CCM2: variants seen among roughly 807,000 people sequenced by gnomAD.
The protein encoded by CCM2 is CCM2 scaffold protein, also known as cerebral cavernous malformations 2 protein.
Under a neutral mutation model 44.9 loss-of-function variants are expected in CCM2, and 25 were observed. The observed-to-expected ratio is 0.56, with a 90% CI of 0.41 to 0.78. The LOEUF (loss-of-function observed/expected upper bound fraction) is 0.78. Among genes scored for constraint, CCM2 ranks in the 30% least tolerant of loss-of-function variants. CCM2 has a pLI of 0.00. For missense variants in CCM2, 481 were observed against 580.6 expected (o/e 0.83, Z 1.76); for synonymous variants, 219 against 241.1 (o/e 0.91, Z 0.85).
rs1478247157 is a variant in CCM2 at position 45,073,474 on chromosome 7, C to A, written c.818C>A (p.Ser273Tyr). The change falls in exon 8 of 10, where the codon TCT becomes TAT. Residue 273 changes from serine to tyrosine, a missense_variant. By Grantham distance (144) the Ser-to-Tyr change is moderately radical. Transcript: ENST00000258781. ...TTCTTTCGCAGCTGCTTCCCTGAAT[C>A]TGTGGATGTGGGTGGTGCATCACCC... ...VEASTFCFPESVDVGGASPHS... is the reference protein window; with the variant it reads ...VEASTFCFPEYVDVGGASPHS... The A allele has an allele frequency of 1.9e-6, 3 of 1,613,440 alleles. No homozygotes were observed.
chr7:45,038,108 A>C, intron 1 of CCM2, 145 bp from the exon 2 acceptor site: 1 of 957,528 alleles, frequency 1.0e-6, no homozygotes, highest in East Asian at 2.6e-5. Context: ...TGCTGTTGGT[A>C]CCTTTCTCAC....
At chr7:45,070,025 C>G (rs1380775233) in intron 6 of CCM2, 64 bp downstream of exon 6, 17 of 1,593,750 alleles carry the variant, frequency 1.1e-5, no homozygotes, top group Non-Finnish European at 1.4e-5. Flanking sequence ...GCAGTGGCCC[C>G]CAGCTCCCCA....
rs368536421 is a variant in CCM2 at position 45,023,723 on chromosome 7, CTTTTT to C, written c.31-14517_31-14513del. Among the ~76,000 whole-genome samples the C allele has an allele frequency of 6.4e-5, 5 of 77,932 alleles. No homozygotes were observed. In the East Asian group the frequency reaches 1.6e-3, roughly 24 times the overall value. The allele number at this position is 77,932 out of a possible 152,430, so 51.1% of individuals were successfully genotyped here. On this transcript the variant is annotated intron_variant, in intron 1 of 9. Coordinates refer to ENST00000258781, the MANE Select transcript of CCM2 (RefSeq NM_031443.4). ...GTAGGCAGTGAGATTACTGGGAAAT[CTTTTT>C]TTTTTTTTTTTTGTCGTGTGCATCT...
intron 2 of CCM2, among the ~76,000 whole-genome samples, chr7:45,047,573 A>G (rs193073031): frequency 1.2e-4 from 18 of 152,354 alleles, no homozygotes; most frequent in Middle Eastern, 3.4e-3. Context: ...AGCAACCTGG[A>G]TGGGCCTCCA....
At chr7:45,033,004 C>T (rs1797038017) in intron 1 of CCM2, among the ~76,000 whole-genome samples, 2 of 130,808 alleles carry the variant, frequency 1.5e-5, no homozygotes, top group South Asian at 5.3e-4. Flanking sequence ...TATGCCATTG[C>T]ACTCCATCCA....
intron 1 of CCM2, among the ~76,000 whole-genome samples, chr7:45,019,356 C>T (rs897375007): frequency 4.6e-5 from 7 of 151,786 alleles, no homozygotes; most frequent in Non-Finnish European, 5.9e-5. Context: ...AATGAGCCAC[C>T]GCACCTGGCT....
intron 1 of CCM2, among the ~76,000 whole-genome samples, chr7:45,035,788 G>A (rs1475283022): frequency 6.6e-6 from 1 of 152,100 alleles, no homozygotes; most frequent in South Asian, 2.1e-4. Flanking sequence ...GTCTGTGGTA[G>A]TGATGAGTAG....
intron 2 of CCM2, among the ~76,000 whole-genome samples, chr7:45,046,598 A>C (rs1039490108): frequency 2.0e-5 from 3 of 152,220 alleles, no homozygotes; most frequent in East Asian, 3.8e-4. Context: ...ACAAAAATTA[A>C]CTCAAAATGG....
intron 1 of CCM2, among the ~76,000 whole-genome samples, chr7:45,016,992 A>G (rs1454249704): frequency 6.7e-6 from 1 of 149,964 alleles, no homozygotes. Flanking sequence ...GATGGTCTCG[A>G]TCTCCTGACC....
intron 8 of CCM2, 62 bp from the exon 9 acceptor site, chr7:45,074,208 G>T (rs1799228510): frequency 5.6e-6 from 9 of 1,609,870 alleles, no homozygotes; most frequent in Admixed American, 1.7e-5. Flanking sequence ...TGGCAAGGTG[G>T]GCCCGACTGC....
chr7:45,067,494 C>A (rs192992078), intron 4 of CCM2: 21 of 152,326 alleles, frequency 1.4e-4, no homozygotes, highest in African/African-American at 4.6e-4. Context: ...TTATTTACCC[C>A]TCCGTACCCA....
At chr7:45,000,859 G>A (rs891603326) in intron 1 of CCM2, among the ~76,000 whole-genome samples, 1 of 152,202 alleles carries the variant, frequency 6.6e-6, no homozygotes, top group African/African-American at 2.4e-5. Context: ...GCTACATTTG[G>A]CAGTGGGATT....
chr7:45,008,086 A>G (rs1795916687), intron 1 of CCM2, among the ~76,000 whole-genome samples: 1 of 139,710 alleles, frequency 7.2e-6, no homozygotes, highest in Non-Finnish European at 1.5e-5. Flanking sequence ...TCTGCTGCCC[A>G]GGCTGGAGTG....
At chr7:45,072,806 C>A (rs1235975388) in intron 7 of CCM2, 23 bp downstream of exon 7, 1 of 1,597,274 alleles carries the variant, frequency 6.3e-7, no homozygotes, top group Non-Finnish European at 8.6e-7. Context: ...GCCACCAAGC[C>A]CTGCGGTGGG....
chr7:45,023,989 T>A (rs1315990679), intron 1 of CCM2, among the ~76,000 whole-genome samples: 1 of 152,068 alleles, frequency 6.6e-6, no homozygotes, highest in Non-Finnish European at 1.5e-5. Context: ...TTTGTATTTT[T>A]AGTAGAGTTG....
chr7:45,063,530 T>A (rs1224734764), intron 2 of CCM2, among the ~76,000 whole-genome samples: 1 of 152,220 alleles, frequency 6.6e-6, no homozygotes, highest in East Asian at 1.9e-4. Context: ...GGAAGTTTAT[T>A]TTTTAGTGAA....
chr7:45,045,765 TG>T (rs1432284662), intron 2 of CCM2, among the ~76,000 whole-genome samples: 3 of 152,202 alleles, frequency 2.0e-5, no homozygotes, highest in Non-Finnish European at 2.9e-5. Flanking sequence ...CACTCCAGCC[TG>T]GGTGACAGAG....
At chr7:45,063,395 C>G (rs1798616302) in intron 2 of CCM2, among the ~76,000 whole-genome samples, 2 of 152,164 alleles carry the variant, frequency 1.3e-5, no homozygotes, top group African/African-American at 4.8e-5. Flanking sequence ...AAGGCCCCAC[C>G]CTTAACACTG....
chr7:45,046,785 CAT>C (rs1395375346), intron 2 of CCM2, among the ~76,000 whole-genome samples: 30 of 152,290 alleles, frequency 2.0e-4, no homozygotes, highest in African/African-American at 6.0e-4. Context: ...ACAATGAAAA[CAT>C]ATGCTACAGA....
Sources: allele counts gnomAD v4.1 joint callset (sites outside exome capture counted in the v4.1 genomes callset), GRCh38; gene constraint gnomAD v4.1.1; transcripts MANE v1.5; gene names NCBI Gene and HGNC (gene_info 2026-07-23, HGNC 2026-07-21).